Variants in CP observed in about 807,000 individuals in gnomAD.
The protein encoded by CP is caeruloplasmin.
Under a neutral mutation model 122.4 loss-of-function variants are expected in CP, and 64 were observed. The ratio of observed to expected loss-of-function variants is 0.52; its 90% confidence interval spans 0.43 to 0.64. CP has a LOEUF of 0.64. Ranked by LOEUF, CP falls within the 30% of genes least tolerant of loss-of-function variation. The probability of loss-of-function intolerance (pLI) is 0.00; values close to 1 mark genes in which losing one functional copy is unlikely to be tolerated. For missense variants in CP, 1,167 were observed against 1,284.4 expected, an observed-to-expected ratio of 0.91 and a Z score of 1.40; for synonymous variants, 440 against 436.4, an observed-to-expected ratio of 1.01 and a Z score of -0.10.
intron 14 of CP, among the ~76,000 whole-genome samples, chr3:149,180,766 CT>C (rs1373953932): frequency 6.6e-6 from 1 of 152,188 alleles, no homozygotes; most frequent in Non-Finnish European, 1.5e-5. Context: ...GCCATCTCTG[CT>C]TTTACTTATT....
rs749981953 is a variant in CP at position 149,186,555 on chromosome 3, G to C, written c.2042C>G (p.Thr681Arg). ...AGGCCACATGTGGAGCGTAAGACTT[G>C]TTTGAGGGAAGAGGTTTGCTGTGTC... The part of the protein sequence containing the change: ...RRDTANLFPQ[T>R]SLTLHMWPDT... The change falls in exon 11 of 19, where the codon ACA (threonine) becomes AGA (arginine). Residue 681 changes from threonine to arginine, a missense_variant. By Grantham distance (71) the Thr-to-Arg change is moderately conservative. Transcript: ENST00000264613. 1.2e-6 allele frequency: 2 copies of C among 1,614,190 alleles called. No individual in the cohort carries two copies. The highest frequency in any genetic ancestry group is 8.5e-7 in the Non-Finnish European group (1 of 1,180,030).
rs563241895 is a variant in CP, at chr3:149,212,455, A to T, written c.390T>A (p.His130Gln). ...AGCTACATGAGCTGAACTTACCCTCATGTTCCTTATAGTAAGTTATTCCAT... is the reference window on the plus strand; with the variant it reads ...AGCTACATGAGCTGAACTTACCCTCTTGTTCCTTATAGTAAGTTATTCCAT... ...HSHGITYYKE[H>Q]EGAIYPDNTT... The change falls in exon 2 of 19, where the codon CAT (histidine) becomes CAA (glutamine). Residue 130 changes from histidine (H) to glutamine (Q), a missense_variant. Physicochemically the swap from His to Gln is conservative, Grantham distance 24. Coordinates refer to ENST00000264613, the MANE Select transcript of CP (RefSeq NM_000096.4). 43 of 1,613,980 alleles carry T rather than the reference A, an allele frequency of 2.7e-5. No homozygotes were observed. The East Asian group carries it at 8.9e-4, about 33-fold the overall frequency.
chr3:149,178,944 A>G (rs1234248138), intron 15 of CP, among the ~76,000 whole-genome samples: 1 of 152,224 alleles, frequency 6.6e-6, no homozygotes, highest in Non-Finnish European at 1.5e-5. Context: ...CCATAAACTC[A>G]TGAACTCTTG....
rs566097592 is a variant in CP, at chr3:149,179,645, C to A, written c.2572G>T (p.Val858Leu). 2.0e-5 allele frequency: 32 copies of A among 1,603,876 alleles called. No homozygotes were observed. Among genetic ancestry groups the A allele is most frequent in the Non-Finnish European group, 2.6e-5 (30 of 1,174,048 alleles). ...CCAGATCTTTCTGGGATTTTCCATA[C>A]GTAAGTGAGAGTTTCACCTAAATTC... ...PTLPGETLTY[V>L]WKIPERSGAG... The change falls in exon 15 of 19, where the codon GTA (valine) becomes TTA (leucine). Residue 858 changes from valine to leucine, a missense_variant. By Grantham distance (32) the Val-to-Leu change is conservative. Transcript: ENST00000264613.
At chr3:149,200,172 C>T (rs1004728122) in intron 7 of CP, 1 of 386,910 alleles carries the variant, frequency 2.6e-6, no homozygotes, top group African/African-American at 2.1e-5. Context: ...TCAGCCTAAT[C>T]TTCTGTTGGC....
intron 1 of CP, among the ~76,000 whole-genome samples, chr3:149,215,374 G>A (rs1428156094): frequency 6.6e-6 from 1 of 152,154 alleles, no homozygotes; most frequent in African/African-American, 2.4e-5. Flanking sequence ...CCTAGGCTTT[G>A]TAACTAATTT....
rs146229133 is a variant in CP, at chr3:149,206,185, G to C, written c.1191C>G (p.Asn397Lys). Residue 397 changes from asparagine (N) to lysine (K), a missense_variant, in exon 6 of 19, where the codon AAC becomes AAG. By Grantham distance (94) the Asn-to-Lys change is moderately conservative. Coordinates refer to ENST00000264613, the MANE Select transcript of CP (RefSeq NM_000096.4). ...TAAATTACCTTCCAGGTGCTGTTAA[G>C]TTTTCTTTAGTGAAGATGTCTATAC... ...PSGIDIFTKE[N>K]LTAPGSDSAV... is the part of the protein sequence containing the mutation. The C allele has an allele frequency of 1.3e-4, 216 of 1,613,850 alleles. No individual in the cohort carries two copies. Among genetic ancestry groups the C allele is most frequent in the Admixed American group, 2.7e-4 (16 of 60,022 alleles).
At chr3:149,217,894 GT>G in intron 1 of CP, 1 of 451,032 alleles carries the variant, frequency 2.2e-6, no homozygotes, top group East Asian at 8.0e-5. Flanking sequence ...TTGTTGTCTA[GT>G]TTTTTGGTCA....
downstream of CP, chr3:149,167,750 A>G: frequency 1.5e-6 from 1 of 684,270 alleles, no homozygotes; most frequent in Non-Finnish European, 2.7e-6. Context: ...TGCTGATATA[A>G]CTTATGTTAT....
At chr3:149,176,560 T>TA in intron 17 of CP, 148 bp from the exon 18 acceptor site, 1 of 660,624 alleles carries the variant, frequency 1.5e-6, no homozygotes, top group African/African-American at 1.8e-5. Context: ...ATACAAATGG[T>TA]AAAATGTGGT....
At chr3:149,190,538 G>GTCCC (rs935184574) in intron 9 of CP, among the ~76,000 whole-genome samples, 3 of 151,654 alleles carry the variant, frequency 2.0e-5, no homozygotes, top group Admixed American at 2.0e-4. Flanking sequence ...GGCGCCTGTA[G>GTCCC]TCCCAGCTAC....
chr3:149,215,459 G>A (rs142965641), intron 1 of CP, among the ~76,000 whole-genome samples: 88 of 152,224 alleles, frequency 5.8e-4, no homozygotes, highest in South Asian at 1.5e-3. Context: ...ATATCTAGGC[G>A]TTTTAACATC....
chr3:149,216,143 A>G (rs1165876571), intron 1 of CP, among the ~76,000 whole-genome samples: 1 of 152,204 alleles, frequency 6.6e-6, no homozygotes, highest in East Asian at 1.9e-4. Context: ...TTGCTGCATA[A>G]CAAATTATCA....
Position 149,212,345 on chromosome 3 carries a change from T to C in CP, c.394+106A>G, listed in dbSNP as rs938054719. 1.5e-5 allele frequency: 17 copies of C among 1,165,964 alleles called. No individual in the cohort carries two copies. In the Admixed American group the frequency reaches 3.8e-4, roughly 26 times the overall value. The allele number at this position is 1,165,964 out of a possible 1,614,324, so 72.2% of individuals were successfully genotyped here. On this transcript the variant is annotated intron_variant, in intron 2 of 18. Coordinates refer to ENST00000264613, the MANE Select transcript of CP (RefSeq NM_000096.4). The stretch of plus-strand genomic sequence containing the variant: ...AAAAAAAAAATAGTTAAGAGCTGAA[T>C]GGCAGTTATATGTCTTATCCAGGAG...
chr3:149,186,436 A>G (rs1576742186), intron 11 of CP, 84 bp downstream of exon 11: 2 of 1,313,608 alleles, frequency 1.5e-6, no homozygotes, highest in East Asian at 4.8e-5. Flanking sequence ...GGATAAGTTT[A>G]TCACCCAACA....
chr3:149,184,028 C>CTTTTTTTTTTTTTTTTT (rs869206210), intron 12 of CP, among the ~76,000 whole-genome samples: 2 of 63,564 alleles, frequency 3.1e-5, no homozygotes, highest in African/African-American at 6.1e-5. Context: ...TCACTTACTT[C>CTTTTTTTTTTTTTTTTT]TTTTTTTTTT....
chr3:149,177,739 T>C lies in CP; in HGVS notation c.3018+101A>G, dbSNP rs1225605366. ...GGATATGAAGCACCGGCTGTACTCT[T>C]TGCAGCTTTTTTTCATAAGTCTCTC... On this transcript the variant is annotated intron_variant, in intron 17 of 18. Transcript: ENST00000264613. 3.1e-5 allele frequency: 40 copies of C among 1,272,412 alleles called. No individual in the cohort carries two copies. In the East Asian group the frequency reaches 9.0e-4, roughly 29 times the overall value. 78.8% of individuals were successfully genotyped at this position (1,272,412 alleles called of 1,614,324 possible).
At chr3:149,201,065 G>A (rs1451608699) in intron 7 of CP, among the ~76,000 whole-genome samples, 2 of 152,196 alleles carry the variant, frequency 1.3e-5, no homozygotes, top group African/African-American at 2.4e-5. Flanking sequence ...GCAGCCTGCG[G>A]AGGGCTCTAG....
At chr3:149,163,743 G>C in intron 5 of CP, 1 of 717,030 alleles carries the variant, frequency 1.4e-6, no homozygotes, top group East Asian at 2.6e-5. Context: ...CTAATTCTAT[G>C]ACATGGCAGA....
Sources: allele counts gnomAD v4.1 joint callset (sites outside exome capture counted in the v4.1 genomes callset), GRCh38; gene constraint gnomAD v4.1.1; transcripts MANE v1.5; gene names NCBI Gene and HGNC (gene_info 2026-07-23, HGNC 2026-07-21).